The following CDK17 variants were observed in gnomAD, a reference collection of about 807,000 sequenced individuals.
CDK17 encodes cyclin dependent kinase 17.
In CDK17, 24 loss-of-function variants were observed where a neutral mutation model predicts 77.6. That is an observed-to-expected ratio of 0.31 (90% CI 0.22 to 0.44). The LOEUF (loss-of-function observed/expected upper bound fraction) is 0.44, where lower values mean the gene tolerates loss of function less well. Among genes scored for constraint, CDK17 ranks in the 20% least tolerant of loss-of-function variants. CDK17 has a pLI of 1.00. For missense variants in CDK17, 429 were observed against 622.5 expected, an observed-to-expected ratio of 0.69 and a Z score of 3.31; for synonymous variants, 203 against 210.4, an observed-to-expected ratio of 0.96 and a Z score of 0.30.
chr12:96,310,861 T>A (rs1031365666), intron 5 of CDK17, among the ~76,000 whole-genome samples, 191 bp downstream of exon 5: 1 of 151,422 alleles, frequency 6.6e-6, no homozygotes, highest in African/African-American at 2.4e-5. Flanking sequence ...CCAATATGCA[T>A]CCTATTGAAT....
intron 1 of CDK17, among the ~76,000 whole-genome samples, chr12:96,362,864 C>T (rs1953517076): frequency 6.6e-6 from 1 of 152,102 alleles, no homozygotes; most frequent in Admixed American, 6.5e-5. Context: ...ACCTATCATT[C>T]TGCTGGTGGA....
intron 13 of CDK17, among the ~76,000 whole-genome samples, chr12:96,284,179 C>A (rs576805344): frequency 2.0e-5 from 3 of 152,246 alleles, no homozygotes; most frequent in Admixed American, 2.0e-4. Flanking sequence ...CATAAAACTT[C>A]ATCAATGGTG....
At chr12:96,358,917 C>T (rs1164061585) in intron 1 of CDK17, among the ~76,000 whole-genome samples, 1 of 148,322 alleles carries the variant, frequency 6.7e-6, no homozygotes, top group Admixed American at 6.8e-5. Flanking sequence ...TTTCCCAGAC[C>T]TGCCACTAGG....
intron 5 of CDK17, among the ~76,000 whole-genome samples, chr12:96,301,332 G>A (rs1250253242): frequency 6.6e-6 from 1 of 150,976 alleles, no homozygotes; most frequent in Admixed American, 6.6e-5. Context: ...TAAAACTTGA[G>A]CTCGCCTGAC....
chr12:96,315,198 A>G (rs1952694809), intron 3 of CDK17, among the ~76,000 whole-genome samples: 1 of 152,222 alleles, frequency 6.6e-6, no homozygotes, highest in African/African-American at 2.4e-5. Context: ...TTAACTTTTA[A>G]TAATATTTAC....
intron 1 of CDK17, among the ~76,000 whole-genome samples, chr12:96,388,053 T>C (rs1954005324): frequency 1.3e-5 from 2 of 152,060 alleles, no homozygotes; most frequent in East Asian, 1.9e-4. Flanking sequence ...GAGGATTACT[T>C]GAGCTCAGGA....
chr12:96,338,552 C>G (rs1221102355), intron 1 of CDK17, among the ~76,000 whole-genome samples: 1 of 151,926 alleles, frequency 6.6e-6, no homozygotes, highest in Non-Finnish European at 1.5e-5. Flanking sequence ...GGCATCTAGT[C>G]ACTAATTTTT....
chr12:96,362,480 A>G (rs1212417150), intron 1 of CDK17, among the ~76,000 whole-genome samples: 2 of 152,120 alleles, frequency 1.3e-5, no homozygotes, highest in Non-Finnish European at 1.5e-5. Flanking sequence ...CAGCCTCCCA[A>G]AAAGCTAGGA....
intron 1 of CDK17, among the ~76,000 whole-genome samples, chr12:96,373,943 C>T (rs944778026): frequency 3.3e-5 from 5 of 151,878 alleles, no homozygotes; most frequent in South Asian, 2.1e-4. Context: ...AGCAAGACTC[C>T]GTCTCAAAAA....
At chr12:96,366,304 C>T (rs1813516741) in intron 1 of CDK17, among the ~76,000 whole-genome samples, 1 of 152,132 alleles carries the variant, frequency 6.6e-6, no homozygotes, top group Non-Finnish European at 1.5e-5. Flanking sequence ...CAGATGTTAC[C>T]CTTCCTACAC....
intron 2 of CDK17, among the ~76,000 whole-genome samples, chr12:96,333,185 AAAG>A (rs1385011649): frequency 2.4e-4 from 36 of 152,244 alleles, no homozygotes; most frequent in South Asian, 8.3e-4. Context: ...AGGGGGTCTA[AAAG>A]AGAATTAAGG....
chr12:96,353,844 G>GT (rs1183378332), intron 1 of CDK17, among the ~76,000 whole-genome samples: 2 of 152,116 alleles, frequency 1.3e-5, no homozygotes, highest in African/African-American at 4.8e-5. Flanking sequence ...AGCACAGGAA[G>GT]TAAGTTTGGG....
At chr12:96,353,823 A>G (rs1170840191) in intron 1 of CDK17, among the ~76,000 whole-genome samples, 2 of 152,200 alleles carry the variant, frequency 1.3e-5, no homozygotes, top group Admixed American at 1.3e-4. Context: ...AATCAAAATT[A>G]CTAATTGCTG....
chr12:96,293,267 G>A (rs547606282), intron 10 of CDK17, among the ~76,000 whole-genome samples: 14 of 152,044 alleles, frequency 9.2e-5, no homozygotes, highest in South Asian at 2.1e-4. Flanking sequence ...TTAAACTCCC[G>A]GCTTCAAGTG....
At chr12:96,339,426 T>C (rs1271980193) in intron 1 of CDK17, among the ~76,000 whole-genome samples, 1 of 151,988 alleles carries the variant, frequency 6.6e-6, no homozygotes, top group East Asian at 1.9e-4. Context: ...TCTTGCAAGA[T>C]GAAATGAATT....
chr12:96,289,169 C>A lies in CDK17; in HGVS notation c.1116G>T (p.Met372Ile), dbSNP rs1369066004. ...GSSEYSTQID[M>I]WGVGCIFFEM... The stretch of plus-strand genomic sequence containing the variant: ...CAGTGACATCTGTATATATTTACCA[C>A]ATGTCAATCTGTGTTGAGTACTCCG... The change falls in exon 11 of 17, where the codon ATG becomes ATT. Residue 372 changes from methionine to isoleucine, a missense_variant and splice_region_variant. Transcript: ENST00000261211. 1 of 1,613,726 alleles carries A rather than the reference C, an allele frequency of 6.2e-7. No individual in the cohort carries two copies. Among genetic ancestry groups the A allele is most frequent in the Non-Finnish European group, 8.5e-7 (1 of 1,179,644 alleles).
chr12:96,320,290 G>A (rs1280354150), intron 3 of CDK17, among the ~76,000 whole-genome samples: 1 of 140,514 alleles, frequency 7.1e-6, no homozygotes, highest in East Asian at 2.1e-4. Context: ...ACAAACCACT[G>A]CTCAAGGAAA....
intron 3 of CDK17, among the ~76,000 whole-genome samples, chr12:96,317,417 G>C (rs1331094476): frequency 3.6e-5 from 4 of 111,592 alleles, no homozygotes; most frequent in African/African-American, 1.3e-4. Context: ...AGCAAGGCAG[G>C]CCAACGTTCA....
At chr12:96,348,534 A>AAC (rs1268971522) in intron 1 of CDK17, among the ~76,000 whole-genome samples, 3 of 151,196 alleles carry the variant, frequency 2.0e-5, no homozygotes, top group Non-Finnish European at 4.4e-5. Context: ...AAAAAAAAAA[A>AAC]AAAAAAAACA....
Sources: gnomAD v4.1 joint callset for allele counts (sites outside exome capture counted in the v4.1 genomes callset) on GRCh38, gnomAD v4.1.1 for gene constraint, MANE v1.5 for transcripts, NCBI Gene and HGNC (gene_info 2026-07-23, HGNC 2026-07-21) for gene names.